Variants in CACNA1G observed in about 807,000 individuals in gnomAD.
The protein encoded by CACNA1G is calcium voltage-gated channel subunit alpha1 G, also known as voltage-dependent T-type calcium channel subunit alpha-1G.
CACNA1G carries 67 observed loss-of-function variants against 219.4 expected under a neutral mutation model. That is an observed-to-expected ratio of 0.31 (90% CI 0.25 to 0.37). The LOEUF (loss-of-function observed/expected upper bound fraction) is 0.37. Among genes scored for constraint, CACNA1G ranks in the 10% least tolerant of loss-of-function variants. CACNA1G has a pLI of 1.00. For synonymous variants in CACNA1G, 1,296 were observed against 1,345.3 expected (o/e 0.96, Z 0.80); for missense variants, 2,380 against 3,231.4 (o/e 0.74, Z 6.39).
intron 23 of CACNA1G, among the ~76,000 whole-genome samples, chr17:50,606,625 G>C (rs940538185): frequency 2.0e-5 from 3 of 152,202 alleles, no homozygotes; most frequent in African/African-American, 7.2e-5. Context: ...GACCCACTCT[G>C]GTTTTGGTTT....
At chr17:50,594,801 T>C (rs566072761) in intron 13 of CACNA1G, among the ~76,000 whole-genome samples, 192 bp from the exon 14 acceptor site, 2 of 152,338 alleles carry the variant, frequency 1.3e-5, no homozygotes, top group South Asian at 4.1e-4. Context: ...CATTCTGGCC[T>C]GAGGGCCTGT....
intron 37 of CACNA1G, among the ~76,000 whole-genome samples, chr17:50,624,955 C>CTTTTTTTTT (rs3986415): frequency 5.1e-5 from 6 of 117,506 alleles, no homozygotes; most frequent in Non-Finnish European, 1.0e-4. Flanking sequence ...AGCCCAGATT[C>CTTTTTTTTT]TTTTTTTTTT....
chr17:50,570,708 G>A (rs2039235477), intron 4 of CACNA1G, among the ~76,000 whole-genome samples: 1 of 152,176 alleles, frequency 6.6e-6, no homozygotes, highest in South Asian at 2.1e-4. Context: ...TCCCGCCCCA[G>A]GTGATGGCTG....
In CACNA1G at chr17:50,624,403, C is replaced by T. The variant is rs1330525426; in HGVS notation, c.6273C>T (p.Tyr2091=). 2.0e-6 allele frequency: 3 copies of T among 1,529,962 alleles called. No homozygotes were observed. Among genetic ancestry groups the T allele is most frequent in the South Asian group, 1.1e-5 (1 of 87,064 alleles). The allele number at this position is 1,529,962 out of a possible 1,614,324, so 94.8% of individuals were successfully genotyped here. ...SVHSQPADTS[Y]ILQLPKDAPH... is the part of the protein sequence containing the mutation. ...ACTCCCAGCCAGCAGATACCAGCTA[C>T]ATCCTGCAGCTTCCCAAAGATGCAC... The change falls in exon 37 of 38, where the codon TAC becomes TAT. Residue 2091 remains tyrosine, a synonymous_variant. Coordinates refer to ENST00000359106, the MANE Select transcript of CACNA1G (RefSeq NM_018896.5).
At position 50,580,609 on chromosome 17, in the gene CACNA1G, G is replaced by A. The variant is rs2041741221; in HGVS notation, c.2301+2045G>A. 2.0e-5 allele frequency among the ~76,000 whole-genome samples: 3 copies of A among 152,286 alleles called. No homozygotes were observed. In the South Asian group the frequency reaches 6.2e-4, roughly 32 times the overall value. On this transcript the variant is annotated intron_variant, in intron 9 of 37. Coordinates refer to ENST00000359106, the MANE Select transcript of CACNA1G (RefSeq NM_018896.5). ...GAGAAGGCAGCAGCCGTCAGTCAGGGGTGCCTGCACCTTCTTCTTGCTCAG... is the reference window on the plus strand; with the variant it reads ...GAGAAGGCAGCAGCCGTCAGTCAGGAGTGCCTGCACCTTCTTCTTGCTCAG...
rs772156608 is a variant in CACNA1G, at chr17:50,595,082, C to T, written c.2979+21C>T. On this transcript the variant is annotated intron_variant, in intron 14 of 37. Transcript: ENST00000359106. Reference sequence around the variant, plus strand: ...AGGGGGTAGGTACGCGATCATGAGCCGGCATGCCTCCCGTGCCCCATGCCC... The same window carrying T: ...AGGGGGTAGGTACGCGATCATGAGCTGGCATGCCTCCCGTGCCCCATGCCC... 2.4e-5 allele frequency: 37 copies of T among 1,545,712 alleles called. 1 individual carries two copies. The highest frequency in any genetic ancestry group is 3.3e-4 in the Middle Eastern group (2 of 5,974).
intron 26 of CACNA1G, among the ~76,000 whole-genome samples, chr17:50,610,946 C>G (rs1406706632): frequency 6.6e-6 from 1 of 152,058 alleles, no homozygotes; most frequent in African/African-American, 2.4e-5. Flanking sequence ...TTCTTTCAAG[C>G]TTTTTGAAGT....
chr17:50,561,813 A>T, intron 1 of CACNA1G, 112 bp downstream of exon 1: 18 of 42,196 alleles, frequency 4.3e-4, no homozygotes, highest in East Asian at 1.9e-3. Context: ...GTGAGCCCGG[A>T]GGGTAGGCGG....
chr17:50,597,198 C>T (rs2045748587), intron 16 of CACNA1G, among the ~76,000 whole-genome samples: 1 of 152,226 alleles, frequency 6.6e-6, no homozygotes, highest in South Asian at 2.1e-4. Flanking sequence ...TGATCTGCTT[C>T]TGTAAAATGG....
chr17:50,561,762 G>A (rs2035668764), intron 1 of CACNA1G, 61 bp downstream of exon 1: 7 of 1,473,758 alleles, frequency 4.7e-6, no homozygotes, highest in South Asian at 2.8e-5. Context: ...CGCACCGCCG[G>A]GGGTCGGGGG....
chr17:50,575,925 GC>G lies in CACNA1G; in HGVS notation c.1524del (p.Asn509MetfsTer55). ...HHHHHHHYHL[G>X]NGTLRAPRAS... ...CACCATCACCACCACTACCACCTGG[GC>G]AATGGGACGCTCAGGGCCCCCCGGG... On this transcript the variant is annotated frameshift_variant, in exon 8 of 38. Coordinates refer to ENST00000359106, the MANE Select transcript of CACNA1G (RefSeq NM_018896.5). LOFTEE classifies it high-confidence loss of function. The G allele has an allele frequency of 6.4e-7, 1 of 1,556,988 alleles. No homozygotes were observed. The highest frequency in any genetic ancestry group is 8.7e-7 in the Non-Finnish European group (1 of 1,151,008).
In CACNA1G at chr17:50,626,926, C is replaced by T. The variant is rs1251536298; in HGVS notation, c.*175C>T. The T allele has an allele frequency of 7.1e-6, 6 of 848,538 alleles. No homozygotes were observed. Among genetic ancestry groups the T allele is most frequent in the African/African-American group, 6.7e-5 (4 of 60,104 alleles). 52.6% of individuals were successfully genotyped at this position (848,538 alleles called of 1,614,324 possible). Reference sequence around the variant, plus strand: ...CAGAACTTCCAAAGAGAGTTAAAAGCAGCAGCCCCGGCAACTCTGGCTCCA... The same window carrying T: ...CAGAACTTCCAAAGAGAGTTAAAAGTAGCAGCCCCGGCAACTCTGGCTCCA... On this transcript the variant is annotated 3_prime_UTR_variant, in exon 38 of 38. Coordinates refer to ENST00000359106, the MANE Select transcript of CACNA1G (RefSeq NM_018896.5). The surrounding 1 kb of genome is among the most constrained non-coding windows in gnomAD (Gnocchi z 4.3).
Position 50,590,552 on chromosome 17 carries a change from C to T in CACNA1G, c.2383C>T (p.Leu795Phe). 1 of 1,613,972 alleles carries T rather than the reference C, an allele frequency of 6.2e-7. No individual in the cohort carries two copies. The highest frequency in any genetic ancestry group is 8.5e-7 in the Non-Finnish European group (1 of 1,179,852). The part of the protein sequence containing the change: ...LFALEMLLKL[L>F]VYGPFGYIKN... ...TGCCCTGGAGATGCTGCTGAAGCTG[C>T]TTGTGTATGGTCCCTTTGGCTACAT... Residue 795 changes from leucine to phenylalanine, a missense_variant, in exon 10 of 38, where the codon CTT becomes TTT. Physicochemically the swap from Leu to Phe is conservative, Grantham distance 22. Around this residue, in one of 17 missense-constraint regions of CACNA1G, gnomAD observed 82 missense variants for 140.7 expected, o/e 0.58. Coordinates refer to ENST00000359106, the MANE Select transcript of CACNA1G (RefSeq NM_018896.5).
At chr17:50,616,469 T>A in intron 28 of CACNA1G, 85 bp downstream of exon 28, 1 of 786,432 alleles carries the variant, frequency 1.3e-6, no homozygotes, top group Non-Finnish European at 2.1e-6. Flanking sequence ...GAAGACCTAG[T>A]GTCTAAGACT....
Position 50,561,370 on chromosome 17 carries a change from G to C in CACNA1G, c.-90G>C, listed in dbSNP as rs1434419310. The C allele has an allele frequency of 3.3e-6, 5 of 1,509,958 alleles. No homozygotes were observed. Among genetic ancestry groups the C allele is most frequent in the Non-Finnish European group, 4.4e-6 (5 of 1,127,172 alleles). 93.5% of individuals were successfully genotyped at this position (1,509,958 alleles called of 1,614,324 possible). ...CCTAGAGCCCACCAGATGTGCCCCC[G>C]CCGGGGCCCCCGGGTTGCGTGAGGA... On this transcript the variant is annotated 5_prime_UTR_variant, in exon 1 of 38. Coordinates refer to ENST00000359106, the MANE Select transcript of CACNA1G (RefSeq NM_018896.5).
At chr17:50,592,796 A>G (rs1391880475) in intron 13 of CACNA1G, among the ~76,000 whole-genome samples, 2 of 152,048 alleles carry the variant, frequency 1.3e-5, no homozygotes, top group Non-Finnish European at 1.5e-5. Context: ...GGCTTCAAAC[A>G]GGGCAGTTTG....
In CACNA1G at chr17:50,569,129, C is replaced by T. The variant is rs534174821; in HGVS notation, c.355-36C>T. 81 of 1,607,080 alleles carry T rather than the reference C, an allele frequency of 5.0e-5. 1 individual carries two copies. In the Admixed American group the frequency reaches 1.2e-3, roughly 24 times the overall value. ...GGACTAGAGGGTATTCCCTCACCCA[C>T]GTCTCAGTTTCAGCCACCTCTTGTC... On this transcript the variant is annotated intron_variant, in intron 2 of 37. Transcript: ENST00000359106.
intron 26 of CACNA1G, among the ~76,000 whole-genome samples, chr17:50,614,508 C>G (rs1409127478): frequency 6.6e-6 from 1 of 152,232 alleles, no homozygotes; most frequent in Non-Finnish European, 1.5e-5. Flanking sequence ...ATCTCCTGCC[C>G]CCAGATTTAT....
At position 50,606,942 on chromosome 17, in the gene CACNA1G, G is replaced by A. The variant is rs2048089671; in HGVS notation, c.4465G>A (p.Val1489Met). The A allele has an allele frequency of 1.9e-6, 3 of 1,614,002 alleles. No homozygotes were observed. Among genetic ancestry groups the A allele is most frequent in the Non-Finnish European group, 1.7e-6 (2 of 1,179,874 alleles). ...LFVLASKDGW[V>M]DIMYDGLDAV... is the part of the protein sequence containing the mutation. ...CGTTTTGGCCTCCAAGGATGGTTGGGTGGACATCATGTACGATGGGCTGGA... is the reference window on the plus strand; with the variant it reads ...CGTTTTGGCCTCCAAGGATGGTTGGATGGACATCATGTACGATGGGCTGGA... The change falls in exon 24 of 38, where the codon GTG becomes ATG. Residue 1489 changes from valine to methionine, a missense_variant. Val to Met is a conservative substitution (Grantham distance 21). Transcript: ENST00000359106.
Sources: allele counts gnomAD v4.1 joint callset (sites outside exome capture counted in the v4.1 genomes callset), GRCh38; gene constraint gnomAD v4.1.1; regional missense constraint gnomAD v4.1.1; non-coding constraint Gnocchi (gnomAD v3.1); transcripts MANE v1.5; gene names NCBI Gene and HGNC (gene_info 2026-07-23, HGNC 2026-07-21).